The following NCOA7 variants were observed in gnomAD, a reference collection of about 807,000 sequenced individuals.
NCOA7 encodes the protein nuclear receptor coactivator 7.
Under a neutral mutation model 104.3 loss-of-function variants are expected in NCOA7, and 45 were observed. The ratio of observed to expected loss-of-function variants is 0.43; its 90% CI spans 0.34 to 0.55. The LOEUF is 0.55. Ranked by LOEUF, NCOA7 falls within the 20% of genes least tolerant of loss-of-function variation. The pLI is 0.02. For synonymous variants in NCOA7, 398 were observed against 402.3 expected (o/e 0.99, Z 0.13); for missense variants, 1,041 against 1,119.7 (o/e 0.93, Z 1.00).
At chr6:125,833,088 C>T (rs1779319060) in intron 2 of NCOA7, among the ~76,000 whole-genome samples, 1 of 152,178 alleles carries the variant, frequency 6.6e-6, no homozygotes, top group African/African-American at 2.4e-5. Flanking sequence ...ACTTCTGCTC[C>T]AGTTTGTGTT....
chr6:125,833,544 G>T, intron 2 of NCOA7, among the ~76,000 whole-genome samples: 1 of 137,578 alleles, frequency 7.3e-6, no homozygotes, highest in Non-Finnish European at 1.5e-5. Context: ...CTGCACTCCA[G>T]TCTAGGCAAC....
intron 2 of NCOA7, among the ~76,000 whole-genome samples, chr6:125,850,375 A>C (rs1308233672): frequency 6.6e-6 from 1 of 152,234 alleles, no homozygotes; most frequent in Non-Finnish European, 1.5e-5. Flanking sequence ...CTCTGCTGTT[A>C]AACAACTTTG....
chr6:125,856,786 C>G (rs116019177), intron 3 of NCOA7, among the ~76,000 whole-genome samples: 1,538 of 152,220 alleles, frequency 0.01, 19 homozygotes, highest in African/African-American at 0.035. Context: ...ACTGCAAATA[C>G]GGTAAATGAA....
In NCOA7 at chr6:125,791,066, A is replaced by G. The variant is rs1774796610; in HGVS notation, c.-66A>G. 1 of 153,270 alleles carries G rather than the reference A, an allele frequency of 6.5e-6. No homozygotes were observed. Among genetic ancestry groups the G allele is most frequent in the African/African-American group, 2.4e-5 (1 of 41,454 alleles). The allele number at this position is 153,270 out of a possible 1,614,324, so 9.5% of individuals were successfully genotyped here. Reference sequence around the variant, plus strand: ...CCAGGAGCCGGCGCCCCCGCCCTGTAGGTAGGTGGTGAGGCGGGGCCCAGC... The same window carrying G: ...CCAGGAGCCGGCGCCCCCGCCCTGTGGGTAGGTGGTGAGGCGGGGCCCAGC... On this transcript the variant is annotated splice_region_variant and 5_prime_UTR_variant, in exon 1 of 16. An upstream open reading frame in the 5' UTR loses its in-frame stop. Transcript: ENST00000392477.
chr6:125,834,252 G>A (rs1490177588), intron 2 of NCOA7, among the ~76,000 whole-genome samples: 1 of 152,044 alleles, frequency 6.6e-6, no homozygotes, highest in Non-Finnish European at 1.5e-5. Context: ...AAACTAAAGT[G>A]ACTTTAAAAT....
intron 3 of NCOA7, among the ~76,000 whole-genome samples, chr6:125,869,110 A>C (rs950939474): frequency 6.6e-6 from 1 of 152,220 alleles, no homozygotes; most frequent in Admixed American, 6.5e-5. Flanking sequence ...TTATGGAATC[A>C]AGATCCAGAG....
intron 1 of NCOA7, among the ~76,000 whole-genome samples, chr6:125,794,985 A>ATG (rs2128546282): frequency 3.5e-5 from 1 of 28,234 alleles, no homozygotes; most frequent in South Asian, 7.7e-4. Context: ...TTAATAAATC[A>ATG]GAGTCTTCTC....
upstream of NCOA7, among the ~76,000 whole-genome samples, chr6:125,790,200 G>C (rs182997278): frequency 2.7e-3 from 409 of 152,344 alleles, no homozygotes; most frequent in Middle Eastern, 0.01. Context: ...AACGCCAGAA[G>C]GGACACAGGA....
At chr6:125,837,324 C>A (rs1779697591) in intron 2 of NCOA7, among the ~76,000 whole-genome samples, 1 of 152,114 alleles carries the variant, frequency 6.6e-6, no homozygotes, top group Admixed American at 6.5e-5. Context: ...CTGTGTATAA[C>A]CAGCCATGCC....
intron 1 of NCOA7, among the ~76,000 whole-genome samples, chr6:125,806,722 T>C (rs1470328035): frequency 1.3e-5 from 2 of 152,178 alleles, no homozygotes; most frequent in African/African-American, 2.4e-5. Flanking sequence ...CTTGGGAATT[T>C]CGTATCTTCT....
At chr6:125,904,831 C>T (rs1785825728) in intron 10 of NCOA7, among the ~76,000 whole-genome samples, 1 of 152,114 alleles carries the variant, frequency 6.6e-6, no homozygotes, top group Admixed American at 6.5e-5. Flanking sequence ...GTGAAATGCT[C>T]AGGTTTGCAT....
In NCOA7 at chr6:125,881,093, C is replaced by T; in HGVS notation, c.463C>T (p.Leu155Phe). 11 of 1,612,434 alleles carry T rather than the reference C, an allele frequency of 6.8e-6. No homozygotes were observed. Among genetic ancestry groups the T allele is most frequent in the African/African-American group, 1.3e-5 (1 of 74,956 alleles). ...FTHTIVPGQV[L>F]FVPDANSPSS... is the part of the protein sequence containing the mutation. ...ATCTGTTCTCTCCCATTCTCAGGTC[C>T]TTTTTGTGCCAGATGCCAACTCTCC... The change falls in exon 6 of 16, where the codon CTT (leucine) becomes TTT (phenylalanine). Residue 155 changes from leucine (L) to phenylalanine (F), a missense_variant. This residue lies in a region of NCOA7 where 914 missense variants were observed against 942.7 expected (regional missense o/e 0.97). Transcript: ENST00000392477.
intron 10 of NCOA7, among the ~76,000 whole-genome samples, chr6:125,902,590 G>T (rs1333893924): frequency 6.6e-6 from 1 of 151,848 alleles, no homozygotes; most frequent in East Asian, 1.9e-4. Context: ...TTTACCTAAA[G>T]TCCATACACC....
At chr6:125,884,637 T>G (rs1333091089) in intron 7 of NCOA7, among the ~76,000 whole-genome samples, 3 of 152,224 alleles carry the variant, frequency 2.0e-5, no homozygotes, top group Non-Finnish European at 4.4e-5. Flanking sequence ...TTACTTTGAC[T>G]TTTGTTGGAT....
At chr6:125,840,867 GGT>G (rs1780072552) in intron 2 of NCOA7, among the ~76,000 whole-genome samples, 2 of 50,678 alleles carry the variant, frequency 3.9e-5, no homozygotes, top group Admixed American at 2.7e-4. Context: ...TTGTTTGGTT[GGT>G]TTTTTTTTTT....
chr6:125,875,271 A>C (rs1783263681), intron 4 of NCOA7: 3 of 260,700 alleles, frequency 1.2e-5, no homozygotes, highest in Non-Finnish European at 1.6e-5. Context: ...TTCCCCCACC[A>C]CTCCATGTGC....
intron 1 of NCOA7, among the ~76,000 whole-genome samples, chr6:125,810,929 T>C (rs1156459898): frequency 2.6e-5 from 4 of 152,216 alleles, no homozygotes; most frequent in African/African-American, 9.6e-5. Flanking sequence ...ATTGGATCAT[T>C]TAATCTTTTT....
chr6:125,786,923 G>A (rs1056025498), upstream of NCOA7, among the ~76,000 whole-genome samples: 2 of 152,128 alleles, frequency 1.3e-5, no homozygotes, highest in Non-Finnish European at 2.9e-5. Context: ...GAGGCAGATG[G>A]ATTGCTTGAG....
intron 2 of NCOA7, among the ~76,000 whole-genome samples, chr6:125,853,008 T>G (rs1051311169): frequency 6.6e-6 from 1 of 152,258 alleles, no homozygotes; most frequent in Non-Finnish European, 1.5e-5. Flanking sequence ...ATCTGTCGAT[T>G]GCTTTGGGCA....
Sources: allele counts gnomAD v4.1 joint callset (sites outside exome capture counted in the v4.1 genomes callset), GRCh38; gene constraint gnomAD v4.1.1; regional missense constraint gnomAD v4.1.1; transcripts MANE v1.5; gene names NCBI Gene and HGNC (gene_info 2026-07-23, HGNC 2026-07-21).